Variants in TBCEL observed in about 807,000 individuals in gnomAD.
TBCEL encodes tubulin folding cofactor E like, also known as tubulin-specific chaperone cofactor E-like protein.
A neutral mutation model predicts 44.2 loss-of-function variants in TBCEL; 15 were observed. That is an observed-to-expected ratio of 0.34 (90% CI 0.23 to 0.52). The LOEUF (loss-of-function observed/expected upper bound fraction) is 0.52, where lower values mean the gene tolerates loss of function less well. TBCEL is among the 20% of genes least tolerant of loss of function. The pLI is 0.95. For missense variants in TBCEL, 319 were observed against 506.3 expected (o/e 0.63, Z 3.55); for synonymous variants, 171 against 185.4 (o/e 0.92, Z 0.63).
At chr11:121,072,892 T>C (rs1945962344) in intron 8 of TBCEL, among the ~76,000 whole-genome samples, 1 of 152,146 alleles carries the variant, frequency 6.6e-6, no homozygotes, top group Admixed American at 6.5e-5. Context: ...CAAATAGAGA[T>C]CTGGCCCCAT....
At chr11:121,055,951 T>A (rs983793899) in intron 6 of TBCEL, among the ~76,000 whole-genome samples, 1 of 151,640 alleles carries the variant, frequency 6.6e-6, no homozygotes, top group African/African-American at 2.4e-5. Context: ...AAATGGTACA[T>A]TTGTACCATT....
Position 121,060,105 on chromosome 11 carries a change from CCA to C in TBCEL, c.956+21_956+22del. On this transcript the variant is annotated intron_variant, in intron 8 of 8. Coordinates refer to ENST00000683345, the MANE Select transcript of TBCEL (RefSeq NM_001363644.2). The stretch of plus-strand genomic sequence containing the variant: ...ATTCAGGTAAAAAATTCCCCATTGG[CCA>C]AACACTTTAGAGGGTGGTGATGCCA... The C allele has an allele frequency of 6.4e-7, 1 of 1,569,858 alleles. No individual in the cohort carries two copies.
intron 1 of TBCEL, among the ~76,000 whole-genome samples, chr11:121,031,432 T>C (rs542647768): frequency 1.2e-4 from 19 of 152,210 alleles, no homozygotes; most frequent in Non-Finnish European, 2.6e-4. Context: ...CTGAAAATTA[T>C]TGAACGTGAG....
chr11:121,038,184 G>A (rs1945267732), intron 2 of TBCEL, among the ~76,000 whole-genome samples: 2 of 151,962 alleles, frequency 1.3e-5, no homozygotes, highest in African/African-American at 2.4e-5. Context: ...GGCTGGTCTC[G>A]AACTCCTGAT....
intron 8 of TBCEL, among the ~76,000 whole-genome samples, chr11:121,064,577 A>G (rs761962104): frequency 4.6e-5 from 7 of 152,192 alleles, no homozygotes; most frequent in Admixed American, 2.0e-4. Context: ...TAGTGGTTCA[A>G]TGCCACTGCT....
At chr11:121,056,259 C>A (rs1342444099) in intron 6 of TBCEL, among the ~76,000 whole-genome samples, 1 of 151,874 alleles carries the variant, frequency 6.6e-6, no homozygotes, top group East Asian at 1.9e-4. Flanking sequence ...TAGCTTCTTT[C>A]ACTTAGGAAT....
chr11:121,058,590 C>A, intron 7 of TBCEL, 119 bp downstream of exon 7: 2 of 1,267,916 alleles, frequency 1.6e-6, no homozygotes, highest in East Asian at 2.4e-5. Context: ...GCAGACTGTG[C>A]TTGAGGGAGC....
chr11:121,079,737 A>T (rs1946091442), intron 8 of TBCEL, among the ~76,000 whole-genome samples: 1 of 152,218 alleles, frequency 6.6e-6, no homozygotes, highest in Admixed American at 6.5e-5. Flanking sequence ...ATAGCAAGAG[A>T]CATTAGAAAA....
At chr11:121,038,325 T>C (rs115225491) in intron 2 of TBCEL, among the ~76,000 whole-genome samples, 1,855 of 152,284 alleles carry the variant, frequency 0.012, 38 homozygotes, top group African/African-American at 0.043. Flanking sequence ...CCTTTATTCG[T>C]TGATTTATTT....
At chr11:121,047,242 GGGCTCTGTTGTT>G (rs1211090442) in intron 3 of TBCEL, among the ~76,000 whole-genome samples, 17 of 152,016 alleles carry the variant, frequency 1.1e-4, no homozygotes, top group African/African-American at 4.1e-4. Context: ...GCGTGGATGA[GGGCTCTGTTGTT>G]GGTAATTGAG....
chr11:121,039,920 G>A (rs775931246), intron 2 of TBCEL, among the ~76,000 whole-genome samples: 3 of 152,180 alleles, frequency 2.0e-5, no homozygotes, highest in African/African-American at 7.2e-5. Context: ...GGATTGATTC[G>A]TTGTACAAAT....
chr11:121,052,062 G>A (rs891247612), intron 4 of TBCEL, among the ~76,000 whole-genome samples: 1 of 151,828 alleles, frequency 6.6e-6, no homozygotes, highest in Admixed American at 6.6e-5. Context: ...TTCTGATTCA[G>A]TAATTATGGT....
intron 2 of TBCEL, among the ~76,000 whole-genome samples, chr11:121,038,945 T>A (rs1201999398): frequency 6.6e-6 from 1 of 152,196 alleles, no homozygotes; most frequent in Non-Finnish European, 1.5e-5. Flanking sequence ...AAACAAACTC[T>A]TAGTTGCCCA....
chr11:121,087,116 A>G lies in TBCEL; in HGVS notation c.*20A>G. On this transcript the variant is annotated 3_prime_UTR_variant, in exon 9 of 9. Coordinates refer to ENST00000683345, the MANE Select transcript of TBCEL (RefSeq NM_001363644.2). The stretch of plus-strand genomic sequence containing the variant: ...AAATAACCTCTACCAGCCTTGTGAA[A>G]AACATACACATAAGGACTTGTTGCA... 6.3e-7 allele frequency: 1 copy of G among 1,599,156 alleles called. No homozygotes were observed. Among genetic ancestry groups the G allele is most frequent in the African/African-American group, 1.3e-5 (1 of 74,190 alleles).
intron 1 of TBCEL, among the ~76,000 whole-genome samples, chr11:121,029,166 C>G (rs113685600): frequency 0.014 from 2,201 of 152,276 alleles, 20 homozygotes; most frequent in Non-Finnish European, 0.024. Flanking sequence ...TGACTGACCT[C>G]CTTAGTGAAG....
intron 4 of TBCEL, among the ~76,000 whole-genome samples, chr11:121,050,944 A>T (rs1422359637): frequency 1.3e-5 from 2 of 151,498 alleles, no homozygotes; most frequent in African/African-American, 4.8e-5. Context: ...TGCCCTAGAA[A>T]CTCATGGAAT....
intron 2 of TBCEL, among the ~76,000 whole-genome samples, chr11:121,041,133 T>A (rs1338862016): frequency 1.3e-5 from 2 of 152,194 alleles, no homozygotes; most frequent in Non-Finnish European, 2.9e-5. Context: ...TACAAAAGGA[T>A]CTATCTTATA....
chr11:121,029,506 A>G (rs1463293505), intron 1 of TBCEL, among the ~76,000 whole-genome samples: 1 of 152,242 alleles, frequency 6.6e-6, no homozygotes, highest in Non-Finnish European at 1.5e-5. Context: ...GGAAGCAGGC[A>G]TAGAGATAGG....
At chr11:121,058,621 C>G in intron 7 of TBCEL, 150 bp downstream of exon 7, 1 of 997,010 alleles carries the variant, frequency 1.0e-6, no homozygotes, top group East Asian at 2.6e-5. Context: ...GCTCCAAATC[C>G]TGGATGAAAA....
Sources: allele counts gnomAD v4.1 joint callset (sites outside exome capture counted in the v4.1 genomes callset), GRCh38; gene constraint gnomAD v4.1.1; transcripts MANE v1.5; gene names NCBI Gene and HGNC (gene_info 2026-07-23, HGNC 2026-07-21).